ATP9B: variants seen among roughly 807,000 people sequenced by gnomAD.
ATP9B encodes the protein ATPase phospholipid transporting 9B, also known as probable phospholipid-transporting ATPase IIB.
Under a neutral mutation model 146.1 loss-of-function variants are expected in ATP9B, and 110 were observed. The ratio of observed to expected loss-of-function variants is 0.75; its 90% confidence interval spans 0.65 to 0.88. The LOEUF (loss-of-function observed/expected upper bound fraction) is 0.88, where lower values mean the gene tolerates loss of function less well. Among genes scored for constraint, ATP9B ranks in the 40% least tolerant of loss-of-function variants. The probability of loss-of-function intolerance (pLI) is 0.00; values close to 1 mark genes in which losing one functional copy is unlikely to be tolerated. For synonymous variants in ATP9B, 604 were observed against 569.7 expected (o/e 1.06, Z -0.86); for missense variants, 1,499 against 1,496.4 (o/e 1.00, Z -0.03).
At chr18:79,319,561 C>T (rs909343722) in intron 15 of ATP9B, among the ~76,000 whole-genome samples, 12 of 152,222 alleles carry the variant, frequency 7.9e-5, no homozygotes, top group African/African-American at 2.7e-4. Flanking sequence ...TTGTCCTCCT[C>T]ATTGTTTCCT....
intron 17 of ATP9B, among the ~76,000 whole-genome samples, chr18:79,333,153 G>A (rs2096800784): frequency 6.6e-6 from 1 of 152,226 alleles, no homozygotes; most frequent in Non-Finnish European, 1.5e-5. Context: ...GCGTGCCTGG[G>A]GGGCCGTGAT....
chr18:79,078,300 C>T (rs1232614365), intron 1 of ATP9B: 1 of 152,124 alleles, frequency 6.6e-6, no homozygotes, highest in South Asian at 2.1e-4. Flanking sequence ...TGGTCTGTGT[C>T]TATTACTTTT....
intron 12 of ATP9B, among the ~76,000 whole-genome samples, chr18:79,269,246 C>T (rs1387672253): frequency 1.3e-5 from 2 of 152,204 alleles, no homozygotes; most frequent in East Asian, 1.9e-4. Context: ...TCACTGTCCT[C>T]GCCACACCTT....
At chr18:79,153,141 A>G (rs2147610140) in intron 6 of ATP9B, among the ~76,000 whole-genome samples, 1 of 152,346 alleles carries the variant, frequency 6.6e-6, no homozygotes, top group African/African-American at 2.4e-5. Context: ...CTGTTGACTG[A>G]CAATCCATTT....
intron 10 of ATP9B, 49 bp from the exon 11 acceptor site, chr18:79,213,913 T>C: frequency 7.6e-7 from 1 of 1,312,996 alleles, no homozygotes; most frequent in Non-Finnish European, 1.1e-6. Flanking sequence ...TGTTATCTTT[T>C]ACTCATCTTT....
intron 5 of ATP9B, among the ~76,000 whole-genome samples, chr18:79,138,666 T>C (rs1036167454): frequency 6.6e-6 from 1 of 152,034 alleles, no homozygotes; most frequent in East Asian, 1.9e-4. Flanking sequence ...AATTTGTTTA[T>C]AGAAAAGTAA....
In ATP9B at chr18:79,347,833, C is replaced by G. The variant is rs1404429821; in HGVS notation, c.2746C>G (p.Leu916Val). The change falls in exon 24 of 30, where the codon CTG becomes GTG. Residue 916 changes from leucine to valine, a missense_variant. Physicochemically the swap from Leu to Val is conservative, Grantham distance 32. Transcript: ENST00000426216. ...SITQFRHIGRLLMVHGRNSYK... is the reference protein window; with the variant it reads ...SITQFRHIGRVLMVHGRNSYK... ...CACGCAGTTCCGGCACATAGGCAGG[C>G]TGCTCATGGTGCACGGGCGGAACAG... The G allele has an allele frequency of 1.9e-6, 3 of 1,613,360 alleles. No individual in the cohort carries two copies. Among genetic ancestry groups the G allele is most frequent in the Middle Eastern group, 1.6e-4 (1 of 6,078 alleles).
At chr18:79,223,517 TAGAA>T (rs989694189) in intron 11 of ATP9B, among the ~76,000 whole-genome samples, 1 of 152,196 alleles carries the variant, frequency 6.6e-6, no homozygotes, top group African/African-American at 2.4e-5. Flanking sequence ...TCAACAGAGA[TAGAA>T]AGACTCTTGG....
In ATP9B at chr18:79,368,577, T is replaced by C. The variant is rs1434508811; in HGVS notation, c.3013-4248T>C. Among the ~76,000 whole-genome samples, 3 of 152,194 alleles carry C rather than the reference T, an allele frequency of 2.0e-5. No homozygotes were observed. The East Asian group carries it at 5.8e-4, about 29-fold the overall frequency. ...AACCTGTCCTGTAATATTTGAACTT[T>C]CTGTCCAGTAATATTTGAAGTTCAT... On this transcript the variant is annotated intron_variant, in intron 26 of 29. Coordinates refer to ENST00000426216, the MANE Select transcript of ATP9B (RefSeq NM_198531.5).
chr18:79,187,971 C>T lies in ATP9B; in HGVS notation c.874-5212C>T, dbSNP rs144603701. 2.0e-5 allele frequency among the ~76,000 whole-genome samples: 3 copies of T among 152,238 alleles called. No homozygotes were observed. In the East Asian group the frequency reaches 5.8e-4, roughly 29 times the overall value. ...AAGTGATTGAGCATGACTTACAACT[C>T]TCCAGTCCCTTTAAGAAGAGATCTG... On this transcript the variant is annotated intron_variant, in intron 8 of 29. Coordinates refer to ENST00000426216, the MANE Select transcript of ATP9B (RefSeq NM_198531.5).
intron 12 of ATP9B, among the ~76,000 whole-genome samples, chr18:79,259,240 ATC>A: frequency 6.6e-6 from 1 of 152,236 alleles, no homozygotes; most frequent in Non-Finnish European, 1.5e-5. Flanking sequence ...AATCCTGTGC[ATC>A]TCTCATAAGA....
At chr18:79,178,015 A>T (rs1000063855) in intron 8 of ATP9B, among the ~76,000 whole-genome samples, 2 of 152,242 alleles carry the variant, frequency 1.3e-5, no homozygotes, top group Admixed American at 6.5e-5. Context: ...GGACCAACAG[A>T]TGAGCAGATT....
At chr18:79,095,979 G>C (rs897146192) in intron 1 of ATP9B, among the ~76,000 whole-genome samples, 10 of 152,176 alleles carry the variant, frequency 6.6e-5, no homozygotes, top group African/African-American at 2.4e-4. Context: ...GATATAAACT[G>C]TCAGCAAACC....
intron 11 of ATP9B, among the ~76,000 whole-genome samples, chr18:79,247,391 G>A (rs1224063125): frequency 1.3e-5 from 2 of 152,154 alleles, no homozygotes; most frequent in Admixed American, 6.5e-5. Flanking sequence ...GAGTGGATAC[G>A]TGTCCTAGGA....
At chr18:79,236,416 C>T (rs150068890) in intron 11 of ATP9B, among the ~76,000 whole-genome samples, 42 of 152,098 alleles carry the variant, frequency 2.8e-4, no homozygotes, top group Middle Eastern at 3.4e-3. Flanking sequence ...TGCCTTCTCA[C>T]TTTGTTCATA....
At chr18:79,284,629 A>T (rs542145350) in intron 13 of ATP9B, among the ~76,000 whole-genome samples, 3 of 151,478 alleles carry the variant, frequency 2.0e-5, no homozygotes, top group Non-Finnish European at 4.4e-5. Context: ...TAATTTTTTT[A>T]TTATTATTAT....
At chr18:79,086,567 G>A (rs1355886561) in intron 1 of ATP9B, 1 of 151,048 alleles carries the variant, frequency 6.6e-6, no homozygotes, top group African/African-American at 2.4e-5. Context: ...TGATAGTAGG[G>A]AACATCACAA....
Position 79,239,501 on chromosome 18 carries a change from C to T in ATP9B, c.1108-13880C>T, listed in dbSNP as rs1036329184. Among the ~76,000 whole-genome samples the T allele has an allele frequency of 2.0e-5, 3 of 152,088 alleles. No individual in the cohort carries two copies. The highest frequency in any genetic ancestry group is 2.9e-5 in the Non-Finnish European group (2 of 68,014). On this transcript the variant is annotated intron_variant, in intron 11 of 29. Coordinates refer to ENST00000426216, the MANE Select transcript of ATP9B (RefSeq NM_198531.5). This position sits in a 1 kb window ranked among gnomAD's most constrained non-coding sequence, Gnocchi z 5.1. ...CTGTGGCAGGGACAGGGACGTAGGA[C>T]GATGGTGTCACGGCACTTAAAATTG...
At chr18:79,209,577 G>A (rs903594362) in intron 10 of ATP9B, 7 of 858,076 alleles carry the variant, frequency 8.2e-6, no homozygotes, top group Admixed American at 1.2e-4. Flanking sequence ...AAGTGGGCCC[G>A]ACTAGTTGGA....
Sources: allele counts gnomAD v4.1 joint callset (sites outside exome capture counted in the v4.1 genomes callset), GRCh38; gene constraint gnomAD v4.1.1; non-coding constraint Gnocchi (gnomAD v3.1); transcripts MANE v1.5; gene names NCBI Gene and HGNC (gene_info 2026-07-23, HGNC 2026-07-21).